CDC20B: variants seen among roughly 807,000 people sequenced by gnomAD.
CDC20B encodes the protein cell division cycle protein 20 homolog B.
A neutral mutation model predicts 64.1 loss-of-function variants in CDC20B; 58 were observed. The observed-to-expected ratio is 0.90, with a 90% CI of 0.73 to 1.13. CDC20B has a LOEUF of 1.13. CDC20B is among the 50% of genes most tolerant of loss of function. The pLI, the probability that CDC20B is intolerant of heterozygous loss-of-function variation, is 0.00. For missense variants in CDC20B, 597 were observed against 633.0 expected, an observed-to-expected ratio of 0.94 and a Z score of 0.61; for synonymous variants, 243 against 230.6, an observed-to-expected ratio of 1.05 and a Z score of -0.49.
At chr5:55,150,513 C>T (rs1039564553) in intron 2 of CDC20B, among the ~76,000 whole-genome samples, 4 of 152,188 alleles carry the variant, frequency 2.6e-5, no homozygotes, top group African/African-American at 7.2e-5. Flanking sequence ...GAACTTCTTT[C>T]GCAGAAGACA....
At chr5:55,156,532 G>A (rs1743812453) in intron 2 of CDC20B, among the ~76,000 whole-genome samples, 1 of 152,102 alleles carries the variant, frequency 6.6e-6, no homozygotes, top group African/African-American at 2.4e-5. Context: ...CTGTGAAGAA[G>A]GTAATGTGTC....
chr5:55,146,544 T>G, intron 3 of CDC20B, 84 bp downstream of exon 3: 1 of 934,904 alleles, frequency 1.1e-6, no homozygotes, highest in Non-Finnish European at 1.7e-6. Flanking sequence ...TGACACTCCT[T>G]AGTTCTACAA....
intron 10 of CDC20B, 70 bp downstream of exon 10, chr5:55,120,355 T>G: frequency 6.3e-7 from 1 of 1,575,974 alleles, no homozygotes; most frequent in Non-Finnish European, 8.7e-7. Context: ...GGGCATAGGC[T>G]CTGTTGTAAA....
intron 11 of CDC20B, among the ~76,000 whole-genome samples, chr5:55,119,037 T>A (rs1742691625): frequency 1.3e-5 from 2 of 152,190 alleles, no homozygotes; most frequent in South Asian, 4.1e-4. Flanking sequence ...ACATAATAGA[T>A]GCTTCATAAA....
chr5:55,117,987 T>C (rs1293327690), intron 11 of CDC20B, among the ~76,000 whole-genome samples: 1 of 151,912 alleles, frequency 6.6e-6, no homozygotes, highest in African/African-American at 2.4e-5. Context: ...GGCGTGGTAG[T>C]TGGCGCCTGT....
At chr5:55,123,691 G>C (rs932832777) in intron 9 of CDC20B, among the ~76,000 whole-genome samples, 1 of 152,148 alleles carries the variant, frequency 6.6e-6, no homozygotes, top group Non-Finnish European at 1.5e-5. Context: ...TGACAACAAG[G>C]CATTTAAAAA....
intron 10 of CDC20B, among the ~76,000 whole-genome samples, chr5:55,120,133 T>C (rs1287559950): frequency 6.6e-6 from 1 of 152,068 alleles, no homozygotes; most frequent in Non-Finnish European, 1.5e-5. Flanking sequence ...AATTGAAGAA[T>C]TTAAGTGAAC....
rs1742955229 is a variant in CDC20B at position 55,128,637 on chromosome 5, A to G, written c.698-20T>C. Reference sequence around the variant, plus strand: ...TCAGATCTATAAGAAAAGCACTTCAAATTAGTATAATTATACAGCCACATG... The same window carrying G: ...TCAGATCTATAAGAAAAGCACTTCAGATTAGTATAATTATACAGCCACATG... On this transcript the variant is annotated intron_variant, in intron 6 of 11. Coordinates refer to ENST00000381375, the MANE Select transcript of CDC20B (RefSeq NM_001170402.1). 2.7e-6 allele frequency: 4 copies of G among 1,481,372 alleles called. No homozygotes were observed. The highest frequency in any genetic ancestry group is 3.6e-6 in the Non-Finnish European group (4 of 1,116,372). The allele number at this position is 1,481,372 out of a possible 1,614,324, so 91.8% of individuals were successfully genotyped here.
At chr5:55,118,484 T>C (rs927151245) in intron 11 of CDC20B, among the ~76,000 whole-genome samples, 1 of 152,202 alleles carries the variant, frequency 6.6e-6, no homozygotes, top group African/African-American at 2.4e-5. Context: ...GGTAAGTACA[T>C]TCTTTATTCT....
At chr5:55,156,092 G>A (rs1296143056) in intron 2 of CDC20B, among the ~76,000 whole-genome samples, 1 of 152,192 alleles carries the variant, frequency 6.6e-6, no homozygotes, top group Non-Finnish European at 1.5e-5. Flanking sequence ...GGCAGAAGGT[G>A]AATGAGGAGC....
intron 2 of CDC20B, among the ~76,000 whole-genome samples, chr5:55,169,762 A>T (rs1303607718): frequency 6.6e-6 from 1 of 152,212 alleles, no homozygotes; most frequent in Non-Finnish European, 1.5e-5. Context: ...CTTTCCCTTC[A>T]GTTGGTACAC....
rs1743495449 is a variant in CDC20B, at chr5:55,146,828, G to C, written c.155C>G (p.Ser52Cys). 6.2e-7 allele frequency: 1 copy of C among 1,613,958 alleles called. No individual in the cohort carries two copies. The highest frequency in any genetic ancestry group is 1.3e-5 in the African/African-American group (1 of 74,916). ...CTTCGCAAAGTTGCTCTTAAAGTCA[G>C]AATACGTAGCATTAACTGAATCGAG... ...NVLDSVNATY[S>C]DFKSNFAKRL... The change falls in exon 3 of 12, where the codon TCT becomes TGT. Residue 52 changes from serine to cysteine, a missense_variant. Coordinates refer to ENST00000381375, the MANE Select transcript of CDC20B (RefSeq NM_001170402.1).
At chr5:55,119,766 TAG>T (rs1369630827) in intron 11 of CDC20B, 33 bp downstream of exon 11, 1 of 1,274,808 alleles carries the variant, frequency 7.8e-7, no homozygotes, top group Non-Finnish European at 1.1e-6. Context: ...CACTTTGCTA[TAG>T]GTGCATGGCA....
chr5:55,161,264 CT>C (rs763018979), intron 2 of CDC20B: 3 of 1,611,506 alleles, frequency 1.9e-6, no homozygotes, highest in Non-Finnish European at 2.5e-6. Flanking sequence ...TGGTAAATAT[CT>C]GCCTTGCATA....
chr5:55,145,176 C>T (rs1743436042), intron 3 of CDC20B, among the ~76,000 whole-genome samples: 1 of 152,126 alleles, frequency 6.6e-6, no homozygotes, highest in African/African-American at 2.4e-5. Context: ...CAATGAGATA[C>T]AAAAGATTTC....
intron 4 of CDC20B, among the ~76,000 whole-genome samples, chr5:55,140,990 A>T (rs1743313541): frequency 6.6e-6 from 1 of 152,224 alleles, no homozygotes; most frequent in Admixed American, 6.5e-5. Flanking sequence ...ATTAAAGCAG[A>T]GAAGATTCTG....
intron 5 of CDC20B, chr5:55,137,378 G>T: frequency 2.9e-6 from 1 of 346,838 alleles, no homozygotes; most frequent in South Asian, 2.3e-5. Flanking sequence ...GGGGCTGCCT[G>T]CTGTAAGGTT....
chr5:55,154,065 TG>T (rs1337054092), intron 2 of CDC20B, among the ~76,000 whole-genome samples: 1 of 152,188 alleles, frequency 6.6e-6, no homozygotes, highest in Non-Finnish European at 1.5e-5. Context: ...GTCCCAGAAC[TG>T]TTCTTCAAGA....
intron 2 of CDC20B, among the ~76,000 whole-genome samples, chr5:55,168,767 A>C (rs1312878483): frequency 6.6e-6 from 1 of 152,190 alleles, no homozygotes; most frequent in Non-Finnish European, 1.5e-5. Context: ...GTGGGAGCTA[A>C]ACAATGGGTA....
Sources: gnomAD v4.1 joint callset for allele counts (sites outside exome capture counted in the v4.1 genomes callset) on GRCh38, gnomAD v4.1.1 for gene constraint, MANE v1.5 for transcripts, NCBI Gene and HGNC (gene_info 2026-07-23, HGNC 2026-07-21) for gene names.